Variants in IRAK2 observed in about 807,000 individuals in gnomAD.
IRAK2 encodes the protein interleukin 1 receptor associated kinase 2.
Under a neutral mutation model 72.0 loss-of-function variants are expected in IRAK2, and 57 were observed. That is an observed-to-expected ratio of 0.79 (90% CI 0.64 to 0.99). The LOEUF (loss-of-function observed/expected upper bound fraction) is 0.99. Among genes scored for constraint, IRAK2 ranks in the 50% least tolerant of loss-of-function variants. The pLI is 0.00. For missense variants in IRAK2, 790 were observed against 794.4 expected (o/e 0.99, Z 0.07); for synonymous variants, 293 against 312.7 (o/e 0.94, Z 0.67).
chr3:10,195,407 T>C (rs745401983), intron 2 of IRAK2, among the ~76,000 whole-genome samples: 21 of 151,962 alleles, frequency 1.4e-4, no homozygotes, highest in Non-Finnish European at 3.1e-4. Context: ...AAATTAAAAA[T>C]TAGCTGGGCG....
rs1179991989 is a variant in IRAK2, at chr3:10,200,590, G to A, written c.424+75G>A. 5.1e-6 allele frequency: 7 copies of A among 1,367,574 alleles called. No homozygotes were observed. The Admixed American group carries it at 1.7e-4, about 33-fold the overall frequency. 84.7% of individuals were successfully genotyped at this position (1,367,574 alleles called of 1,614,324 possible). ...GAAGATATATCTATAAGGACATTCA[G>A]CTTAGCATATAAGAGCAAAAAATTG... On this transcript the variant is annotated intron_variant, in intron 3 of 12. Transcript: ENST00000256458.
chr3:10,172,911 C>G (rs2125140369), intron 1 of IRAK2, among the ~76,000 whole-genome samples: 1 of 150,536 alleles, frequency 6.6e-6, no homozygotes. Flanking sequence ...AAACTCCTGA[C>G]CTCGTTATCC....
At chr3:10,193,499 T>G (rs995816326) in intron 2 of IRAK2, among the ~76,000 whole-genome samples, 8 of 151,910 alleles carry the variant, frequency 5.3e-5, no homozygotes, top group Admixed American at 5.2e-4. Flanking sequence ...GGCGTGCTCC[T>G]GTGGTCTCAG....
chr3:10,236,706 G>A (rs574388082), intron 11 of IRAK2, among the ~76,000 whole-genome samples: 1 of 152,094 alleles, frequency 6.6e-6, no homozygotes, highest in South Asian at 2.1e-4. Context: ...AAAAAGTTCT[G>A]TCTCCTTCAA....
At chr3:10,218,588 T>C (rs1263013166) in intron 7 of IRAK2, among the ~76,000 whole-genome samples, 1 of 152,088 alleles carries the variant, frequency 6.6e-6, no homozygotes, top group African/African-American at 2.4e-5. Context: ...AAGGCCCAGG[T>C]GCTTGGCTTG....
At chr3:10,222,952 G>C (rs562023561) in intron 9 of IRAK2, 121 bp downstream of exon 9, 491 of 895,158 alleles carry the variant, frequency 5.5e-4, no homozygotes, top group Non-Finnish European at 4.8e-4. Context: ...TACAACAGGG[G>C]CTGACAAACT....
intron 3 of IRAK2, among the ~76,000 whole-genome samples, chr3:10,203,692 C>T (rs1161495979): frequency 6.6e-6 from 1 of 152,170 alleles, no homozygotes; most frequent in African/African-American, 2.4e-5. Flanking sequence ...AGTGCAGTGG[C>T]GCGATCTCGG....
intron 2 of IRAK2, among the ~76,000 whole-genome samples, chr3:10,178,315 G>A (rs945247710): frequency 6.6e-6 from 1 of 152,052 alleles, no homozygotes; most frequent in Non-Finnish European, 1.5e-5. Context: ...AAATTAGCTG[G>A]GCTTGGTGGC....
At chr3:10,203,210 T>G (rs1422602897) in intron 3 of IRAK2, among the ~76,000 whole-genome samples, 1 of 152,114 alleles carries the variant, frequency 6.6e-6, no homozygotes, top group Non-Finnish European at 1.5e-5. Flanking sequence ...TTGCACAGGC[T>G]GGTCTTGAAC....
intron 9 of IRAK2, among the ~76,000 whole-genome samples, chr3:10,225,584 A>G (rs1697760672): frequency 6.6e-6 from 1 of 152,192 alleles, no homozygotes. Context: ...TGTGAGTGAA[A>G]CATGCTATGG....
chr3:10,197,845 C>A (rs1399364575), intron 2 of IRAK2, among the ~76,000 whole-genome samples: 1 of 148,360 alleles, frequency 6.7e-6, no homozygotes. Flanking sequence ...GAGTGAGACT[C>A]CGTCTCAAAA....
intron 1 of IRAK2, among the ~76,000 whole-genome samples, chr3:10,167,881 C>T (rs547889085): frequency 4.6e-5 from 7 of 152,280 alleles, no homozygotes; most frequent in South Asian, 4.1e-4. Context: ...TGTAGCTCAC[C>T]GCAGCCCCAA....
Position 10,196,421 on chromosome 3 carries a change from C to A in IRAK2, c.278-3948C>A, listed in dbSNP as rs546889408. On this transcript the variant is annotated intron_variant, in intron 2 of 12. Coordinates refer to ENST00000256458, the MANE Select transcript of IRAK2 (RefSeq NM_001570.4). ...TGAACCACTGTGCCCGGCCTAGGGA[C>A]TGTTTATTCTCCTCCTGGGCCTGTG... Among the ~76,000 whole-genome samples the A allele has an allele frequency of 2.0e-5, 3 of 152,286 alleles. No individual in the cohort carries two copies. The South Asian group carries it at 6.2e-4, about 32-fold the overall frequency.
At chr3:10,186,849 TG>T (rs1393168255) in intron 2 of IRAK2, among the ~76,000 whole-genome samples, 3 of 147,776 alleles carry the variant, frequency 2.0e-5, no homozygotes, top group Non-Finnish European at 1.5e-5. Flanking sequence ...TGGAATGCAG[TG>T]GGGCAGTGGT....
Position 10,209,626 on chromosome 3 carries a change from C to G in IRAK2, c.462C>G (p.Leu154=). 1 of 1,571,026 alleles carries G rather than the reference C, an allele frequency of 6.4e-7. No homozygotes were observed. Among genetic ancestry groups the G allele is most frequent in the Non-Finnish European group, 8.6e-7 (1 of 1,160,580 alleles). ...SPARAHQPAF[L]QPPEEDAPHS... ...CCAGAGCCCACCAGCCGGCCTTTCT[C>G]CAGCCTCCTGAAGAAGATGCCCCTC... is the stretch of plus-strand genomic sequence containing the variant. The change falls in exon 4 of 13, where the codon CTC becomes CTG. Residue 154 remains leucine (L), a synonymous_variant. Transcript: ENST00000256458.
rs959389851 is a variant in IRAK2, at chr3:10,239,609, C to T, written c.1765+570C>T. On this transcript the variant is annotated intron_variant, in intron 12 of 12. Coordinates refer to ENST00000256458, the MANE Select transcript of IRAK2 (RefSeq NM_001570.4). ...GGGCATGGTGGCGCGTGCCTGTAAT[C>T]CCAGCTACTTGGGAGGCTGAGGCAA... 3.3e-5 allele frequency among the ~76,000 whole-genome samples: 5 copies of T among 152,196 alleles called. No individual in the cohort carries two copies. In the South Asian group the frequency reaches 6.2e-4, roughly 19 times the overall value.
chr3:10,216,961 G>T lies in IRAK2; in HGVS notation c.816G>T (p.Val272=). 6.2e-7 allele frequency: 1 copy of T among 1,614,168 alleles called. No individual in the cohort carries two copies. Among genetic ancestry groups the T allele is most frequent in the Non-Finnish European group, 8.5e-7 (1 of 1,180,018 alleles). The change falls in exon 7 of 13, where the codon GTG becomes GTT. Residue 272 remains valine, a synonymous_variant. Coordinates refer to ENST00000256458, the MANE Select transcript of IRAK2 (RefSeq NM_001570.4). ...GCTGCCACCCCAATGTCTTACCTGT[G>T]CTGGGCTTCTGTGCTGCAAGACAGT... ...LRCCHPNVLP[V]LGFCAARQFH...
intron 9 of IRAK2, among the ~76,000 whole-genome samples, chr3:10,224,285 C>T (rs947966010): frequency 1.3e-5 from 2 of 149,996 alleles, no homozygotes; most frequent in Non-Finnish European, 3.0e-5. Context: ...TGCAGTAAGC[C>T]GAGATCGCGC....
At chr3:10,231,854 C>T (rs1194202455) in intron 10 of IRAK2, among the ~76,000 whole-genome samples, 5 of 151,470 alleles carry the variant, frequency 3.3e-5, no homozygotes, top group East Asian at 2.0e-4. Flanking sequence ...TGGCCGGGCA[C>T]GGTGGCTCAA....
Sources: allele counts gnomAD v4.1 joint callset (sites outside exome capture counted in the v4.1 genomes callset), GRCh38; gene constraint gnomAD v4.1.1; transcripts MANE v1.5; gene names NCBI Gene and HGNC (gene_info 2026-07-23, HGNC 2026-07-21).